NUP210L: variants seen among roughly 807,000 people sequenced by gnomAD.
NUP210L encodes the protein nucleoporin 210 like.
A neutral mutation model predicts 208.5 loss-of-function variants in NUP210L; 74 were observed. That is an observed-to-expected ratio of 0.35 (90% CI 0.29 to 0.43). The LOEUF (loss-of-function observed/expected upper bound fraction) is 0.43, where lower values mean the gene tolerates loss of function less well. Among genes scored for constraint, NUP210L ranks in the 20% least tolerant of loss-of-function variants. The pLI, the probability that NUP210L is intolerant of heterozygous loss-of-function variation, is 1.00. For synonymous variants in NUP210L, 780 were observed against 816.9 expected, an observed-to-expected ratio of 0.95 and a Z score of 0.77; for missense variants, 1,843 against 2,289.4, an observed-to-expected ratio of 0.81 and a Z score of 3.98.
intron 33 of NUP210L, 72 bp from the exon 34 acceptor site, chr1:154,012,442 A>G (rs151022187): frequency 2.3e-5 from 34 of 1,458,286 alleles, no homozygotes; most frequent in Middle Eastern, 3.6e-4. Context: ...TCCACCCCTC[A>G]TAACTTATTT....
At chr1:154,053,539 G>A (rs912072134) in intron 25 of NUP210L, among the ~76,000 whole-genome samples, 8 of 152,170 alleles carry the variant, frequency 5.3e-5, no homozygotes, top group East Asian at 3.9e-4. Context: ...GAAGGTTGTC[G>A]GTTTACCAGA....
intron 38 of NUP210L, among the ~76,000 whole-genome samples, chr1:153,994,455 G>A (rs562851304): frequency 1.8e-4 from 27 of 151,970 alleles, no homozygotes; most frequent in Admixed American, 1.6e-3. Context: ...GGGATTACAG[G>A]CATGTGCCAC....
At chr1:154,146,629 ACC>A (rs1350878108) in intron 2 of NUP210L, among the ~76,000 whole-genome samples, 4 of 78,020 alleles carry the variant, frequency 5.1e-5, no homozygotes, top group African/African-American at 1.9e-4. Context: ...TCCCCCCCCC[ACC>A]AAAAAAAGAG....
At chr1:154,068,485 T>A (rs1201069202) in intron 17 of NUP210L, among the ~76,000 whole-genome samples, 2 of 151,912 alleles carry the variant, frequency 1.3e-5, no homozygotes, top group African/African-American at 4.8e-5. Flanking sequence ...ATCAAGACCA[T>A]CCTGGCTAAC....
At chr1:154,018,865 T>C (rs1651404968) in intron 33 of NUP210L, 68 bp downstream of exon 33, 6 of 1,530,412 alleles carry the variant, frequency 3.9e-6, no homozygotes, top group African/African-American at 2.7e-5. Flanking sequence ...ATGTATTTTC[T>C]CTATGCATAT....
At chr1:154,140,611 G>A (rs1368864130) in intron 4 of NUP210L, among the ~76,000 whole-genome samples, 3 of 148,964 alleles carry the variant, frequency 2.0e-5, no homozygotes, top group African/African-American at 4.9e-5. Context: ...AGGCTGTAGT[G>A]AGCCGAGATC....
chr1:154,065,373 TCTGCTCTA>T (rs1412334880), intron 17 of NUP210L, among the ~76,000 whole-genome samples: 4 of 151,418 alleles, frequency 2.6e-5, no homozygotes, highest in African/African-American at 9.7e-5. Flanking sequence ...TAAGCTATGA[TCTGCTCTA>T]CTGCTCTCCA....
chr1:154,044,290 C>T (rs1191239337), intron 27 of NUP210L, among the ~76,000 whole-genome samples: 1 of 151,872 alleles, frequency 6.6e-6, no homozygotes, highest in African/African-American at 2.4e-5. Context: ...ACCTGTAATC[C>T]CAGCTACTCA....
intron 33 of NUP210L, among the ~76,000 whole-genome samples, chr1:154,015,842 G>T (rs1406991910): frequency 6.6e-6 from 1 of 151,294 alleles, no homozygotes; most frequent in Non-Finnish European, 1.5e-5. Context: ...CTAGGAGGTG[G>T]ATCTGAGTGA....
intron 16 of NUP210L, among the ~76,000 whole-genome samples, chr1:154,081,246 T>C (rs933173670): frequency 6.7e-6 from 1 of 148,282 alleles, no homozygotes; most frequent in African/African-American, 2.5e-5. Flanking sequence ...AAAAAAAAGA[T>C]GTATCATGCA....
At chr1:154,046,569 T>C (rs1653195113) in intron 25 of NUP210L, among the ~76,000 whole-genome samples, 200 bp from the exon 26 acceptor site, 1 of 152,086 alleles carries the variant, frequency 6.6e-6, no homozygotes, top group East Asian at 1.9e-4. Context: ...ATAAAGAAAA[T>C]GTGGTACATA....
intron 13 of NUP210L, 72 bp from the exon 14 acceptor site, chr1:154,100,215 C>G (rs2148062053): frequency 7.0e-7 from 1 of 1,429,620 alleles, no homozygotes; most frequent in Admixed American, 1.8e-5. Flanking sequence ...TTTGGGAGGC[C>G]AAGGCAGGAA....
chr1:154,098,437 T>G (rs958083632), intron 14 of NUP210L, among the ~76,000 whole-genome samples: 4 of 152,142 alleles, frequency 2.6e-5, no homozygotes, highest in African/African-American at 9.7e-5. Context: ...CCAGGAAGAA[T>G]AAGATATGCA....
chr1:154,004,521 A>G (rs1650398833), intron 35 of NUP210L, among the ~76,000 whole-genome samples: 1 of 149,764 alleles, frequency 6.7e-6, no homozygotes, highest in Non-Finnish European at 1.5e-5. Context: ...GTGCCCTACT[A>G]ATTTTTGTAT....
chr1:154,000,872 T>A (rs181789514), exon 37 of NUP210L: 33 of 1,613,956 alleles, frequency 2.0e-5, no homozygotes, highest in Admixed American at 3.3e-5. Flanking sequence ...CCAACTTATC[T>A]TTCATAGCCC....
At chr1:154,033,123 G>C (rs1652351796) in intron 27 of NUP210L, among the ~76,000 whole-genome samples, 1 of 152,076 alleles carries the variant, frequency 6.6e-6, no homozygotes, top group African/African-American at 2.4e-5. Context: ...TGAGTTGTTT[G>C]AGCTGCTTAT....
At chr1:154,066,034 A>G (rs1317451955) in intron 17 of NUP210L, among the ~76,000 whole-genome samples, 1 of 152,162 alleles carries the variant, frequency 6.6e-6, no homozygotes, top group African/African-American at 2.4e-5. Context: ...TACCGGGTAA[A>G]CAACGAAATG....
chr1:154,120,348 A>T (rs1657549781), intron 10 of NUP210L, among the ~76,000 whole-genome samples: 1 of 152,098 alleles, frequency 6.6e-6, no homozygotes, highest in Admixed American at 6.6e-5. Flanking sequence ...GAAGCTGGAA[A>T]CCATCATTCT....
At chr1:154,015,224 A>G (rs1651168952) in intron 33 of NUP210L, among the ~76,000 whole-genome samples, 1 of 150,164 alleles carries the variant, frequency 6.7e-6, no homozygotes, top group South Asian at 2.1e-4. Flanking sequence ...TGCCCCACAT[A>G]TTTATTTTGC....
Sources: gnomAD v4.1 joint callset for allele counts (sites outside exome capture counted in the v4.1 genomes callset) on GRCh38, gnomAD v4.1.1 for gene constraint, MANE v1.5 for transcripts, NCBI Gene and HGNC (gene_info 2026-07-23, HGNC 2026-07-21) for gene names.